Variants in SLC26A4 observed in about 807,000 individuals in gnomAD.
The protein encoded by SLC26A4 is solute carrier family 26 member 4, also known as pendrin.
A neutral mutation model predicts 90.4 loss-of-function variants in SLC26A4; 93 were observed. That is an observed-to-expected ratio of 1.03 (90% CI 0.87 to 1.22). The LOEUF (loss-of-function observed/expected upper bound fraction) is 1.22, where lower values mean the gene tolerates loss of function less well. Among genes scored for constraint, SLC26A4 ranks in the 50% most tolerant of loss-of-function variants. The pLI, the probability that SLC26A4 is intolerant of heterozygous loss-of-function variation, is 0.00. For synonymous variants in SLC26A4, 393 were observed against 354.6 expected (o/e 1.11, Z -1.22); for missense variants, 1,127 against 946.2 (o/e 1.19, Z -2.51).
rs1791690325 is a variant in SLC26A4, at chr7:107,694,712, A to G, written c.1433A>G (p.Asp478Gly). 6.2e-7 allele frequency: 1 copy of G among 1,600,356 alleles called. No individual in the cohort carries two copies. The highest frequency in any genetic ancestry group is 8.6e-7 in the Non-Finnish European group (1 of 1,167,504). ...CGTCTGTGGAGACAGAATAAGATTG[A>G]TGCTGTAAGTCACCTACCACCTATA... ...IPRLWRQNKI[D>G]AVIWVFTCIV... The change falls in exon 12 of 21, where the codon GAT becomes GGT. Residue 478 changes from aspartate to glycine, a missense_variant. Asp to Gly is a moderately conservative substitution (Grantham distance 94, BLOSUM62 -1). Coordinates refer to ENST00000644269, the MANE Select transcript of SLC26A4 (RefSeq NM_000441.2).
At chr7:107,674,431 C>T (rs75466362) in intron 5 of SLC26A4, 83 bp downstream of exon 5, 1 of 1,127,492 alleles carries the variant, frequency 8.9e-7, no homozygotes, top group Non-Finnish European at 1.3e-6. Flanking sequence ...AAAGATTCTA[C>T]TAAAAACAAA....
rs1359361641 is a variant in SLC26A4, at chr7:107,712,737, G to T, written c.2319+115G>T. On this transcript the variant is annotated intron_variant, in intron 20 of 20. Coordinates refer to ENST00000644269, the MANE Select transcript of SLC26A4 (RefSeq NM_000441.2). ...GTCAGGGAACATAATTCCCCCAAATGCAGAAAAGATGGCTTCATAGCAGGG... is the reference window on the plus strand; with the variant it reads ...GTCAGGGAACATAATTCCCCCAAATTCAGAAAAGATGGCTTCATAGCAGGG... 4 of 718,056 alleles carry T rather than the reference G, an allele frequency of 5.6e-6. No homozygotes were observed. In the East Asian group the frequency reaches 1.1e-4, roughly 19 times the overall value. 44.5% of individuals were successfully genotyped at this position (718,056 alleles called of 1,614,324 possible). A position where few individuals can be genotyped will look rare whatever the true frequency, so the allele number is the denominator to read the frequency against.
intron 9 of SLC26A4, 46 bp downstream of exon 9, chr7:107,689,246 G>A: frequency 6.3e-7 from 1 of 1,599,846 alleles, no homozygotes; most frequent in Non-Finnish European, 8.6e-7. Context: ...GCTGGAAACA[G>A]GAAAAAAACA....
chr7:107,712,504 C>T (rs1792219057), intron 19 of SLC26A4, 35 bp from the exon 20 acceptor site: 1 of 1,068,538 alleles, frequency 9.4e-7, no homozygotes, highest in Non-Finnish European at 1.5e-6. Context: ...TGGGTTGATG[C>T]TATTCTATTT....
chr7:107,709,519 T>C (rs934884890), intron 18 of SLC26A4, among the ~76,000 whole-genome samples: 2 of 152,122 alleles, frequency 1.3e-5, no homozygotes, highest in African/African-American at 4.8e-5. Context: ...CTCCTCGGCC[T>C]CTCAAAGTGC....
At chr7:107,707,905 G>T (rs184315625) in intron 18 of SLC26A4, among the ~76,000 whole-genome samples, 1 of 152,054 alleles carries the variant, frequency 6.6e-6, no homozygotes, top group Non-Finnish European at 1.5e-5. Context: ...AATACCAAAG[G>T]TTTAAAACAT....
chr7:107,682,799 A>G (rs1466886800), intron 6 of SLC26A4, among the ~76,000 whole-genome samples: 1 of 152,198 alleles, frequency 6.6e-6, no homozygotes, highest in African/African-American at 2.4e-5. Flanking sequence ...GATAGCACCT[A>G]GAAACCCATT....
Position 107,677,962 on chromosome 7 carries a change from G to GA in SLC26A4, c.765+2854dup, listed in dbSNP as rs974698701. Among the ~76,000 whole-genome samples, 61 of 152,136 alleles carry GA rather than the reference G, an allele frequency of 4.0e-4. 1 individual carries two copies. The highest frequency in any genetic ancestry group is 1.3e-3 in the African/African-American group (55 of 41,494). Reference sequence around the variant, plus strand: ...AAAATTTTAAGATTTTATTTTGGTAGAGACAGGGGTTTTGCAATGTCGCCC... The same window carrying GA: ...AAAATTTTAAGATTTTATTTTGGTAGAAGACAGGGGTTTTGCAATGTCGCCC... On this transcript the variant is annotated intron_variant, in intron 6 of 20. Coordinates refer to ENST00000644269, the MANE Select transcript of SLC26A4 (RefSeq NM_000441.2).
rs1791297712 is a variant in SLC26A4 at position 107,683,251 on chromosome 7, T to C, written c.815T>C (p.Phe272Ser). Residue 272 changes from phenylalanine (F) to serine (S), a missense_variant, in exon 7 of 21, where the codon TTC becomes TCC. Physicochemically the swap from Phe to Ser is radical, Grantham distance 155 (BLOSUM62 -2). Transcript: ENST00000644269. ...QNIGDTNLAD[F>S]TAGLLTIVVC... ...ATTGGTGATACCAATCTTGCTGATT[T>C]CACTGCTGGATTGCTCACCATTGTC... 1 of 1,613,042 alleles carries C rather than the reference T, an allele frequency of 6.2e-7. No homozygotes were observed. The highest frequency in any genetic ancestry group is 1.1e-5 in the South Asian group (1 of 91,048).
intron 10 of SLC26A4, chr7:107,692,863 C>T (rs955036716): frequency 1.3e-5 from 2 of 152,146 alleles, no homozygotes; most frequent in African/African-American, 4.8e-5. Flanking sequence ...TAATTGATCA[C>T]TCACCAATTT....
At chr7:107,673,201 A>G (rs761295420) in intron 4 of SLC26A4, among the ~76,000 whole-genome samples, 1 of 152,196 alleles carries the variant, frequency 6.6e-6, no homozygotes, top group Non-Finnish European at 1.5e-5. Context: ...CCTCAAAACC[A>G]TAAAGCCTTC....
At chr7:107,684,903 G>A (rs1584319334) in intron 8 of SLC26A4, among the ~76,000 whole-genome samples, 1 of 152,164 alleles carries the variant, frequency 6.6e-6, no homozygotes, top group African/African-American at 2.4e-5. Flanking sequence ...CACAGAGCAG[G>A]CCCTGTCCCA....
At chr7:107,691,504 A>AATAT (rs67649102) in intron 10 of SLC26A4, among the ~76,000 whole-genome samples, 2,514 of 132,208 alleles carry the variant, frequency 0.019, 26 homozygotes, top group South Asian at 0.033. Context: ...CTCTGTGTCA[A>AATAT]ATATATATAT....
intron 10 of SLC26A4, among the ~76,000 whole-genome samples, chr7:107,692,292 G>T (rs1037925204): frequency 6.6e-6 from 1 of 152,212 alleles, no homozygotes. Context: ...AAGTCTAAGT[G>T]CCTGAACTGA....
intron 20 of SLC26A4, 132 bp from the exon 21 acceptor site, chr7:107,715,291 T>C (rs1584349350): frequency 2.5e-6 from 2 of 798,866 alleles, no homozygotes; most frequent in African/African-American, 1.7e-5. Context: ...CCTATTTCTA[T>C]TGTGATGATA....
intron 3 of SLC26A4, among the ~76,000 whole-genome samples, chr7:107,666,996 G>T (rs1790733452): frequency 6.6e-6 from 1 of 152,192 alleles, no homozygotes; most frequent in Non-Finnish European, 1.5e-5. Flanking sequence ...ACATAATGAT[G>T]AGTGTGGATG....
chr7:107,700,838 A>G (rs1022319336), intron 15 of SLC26A4, among the ~76,000 whole-genome samples: 6 of 152,082 alleles, frequency 3.9e-5, no homozygotes, highest in Non-Finnish European at 8.8e-5. Context: ...TAAAGAGGGT[A>G]TTTTGGGGTG....
chr7:107,667,733 G>A lies in SLC26A4; in HGVS notation c.304+4298G>A, dbSNP rs111769227. ...AAGAGAAATAACTAGAAGCAAAGTAGTAAAAAGGGGCAAACGTGGAGGGGT... is the reference window on the plus strand; with the variant it reads ...AAGAGAAATAACTAGAAGCAAAGTAATAAAAAGGGGCAAACGTGGAGGGGT... On this transcript the variant is annotated intron_variant, in intron 3 of 20. Coordinates refer to ENST00000644269, the MANE Select transcript of SLC26A4 (RefSeq NM_000441.2). 7.9e-3 allele frequency among the ~76,000 whole-genome samples: 1,209 copies of A among 152,208 alleles called. 11 individuals carry two copies. Among genetic ancestry groups the A allele is most frequent in the African/African-American group, 0.027 (1,127 of 41,540 alleles).
chr7:107,670,039 A>G (rs1232611093), intron 3 of SLC26A4, among the ~76,000 whole-genome samples: 1 of 151,840 alleles, frequency 6.6e-6, no homozygotes, highest in Non-Finnish European at 1.5e-5. Flanking sequence ...ATGAAAGTTT[A>G]TTATATTATT....
Sources: gnomAD v4.1 joint callset for allele counts (sites outside exome capture counted in the v4.1 genomes callset) on GRCh38, gnomAD v4.1.1 for gene constraint, MANE v1.5 for transcripts, NCBI Gene and HGNC (gene_info 2026-07-23, HGNC 2026-07-21) for gene names.